The following PDE4D variants were observed in gnomAD, a reference collection of about 807,000 sequenced individuals.
PDE4D encodes 3',5'-cyclic-AMP phosphodiesterase 4D.
Under a neutral mutation model 87.4 loss-of-function variants are expected in PDE4D, and 24 were observed. That is an observed-to-expected ratio of 0.27 (90% CI 0.20 to 0.39). PDE4D has a LOEUF of 0.39. PDE4D is among the 10% of genes least tolerant of loss of function. The pLI is 1.00. For synonymous variants in PDE4D, 384 were observed against 383.2 expected (o/e 1.00, Z -0.02); for missense variants, 714 against 1,041.0 (o/e 0.69, Z 4.32).
rs115170386 is a variant in PDE4D, at chr5:60,112,557, G to C, written c.42+73000C>G. ...CTTATTTTATTGGGTATTCTACTTA[G>C]TCAAAATAGCATATGCCTGATCTCA... On this transcript the variant is annotated intron_variant, in intron 2 of 16. Coordinates refer to the PDE4D transcript ENST00000502484. Among the ~76,000 whole-genome samples the C allele has an allele frequency of 7.0e-3, 1,072 of 152,174 alleles. 22 individuals carry two copies. The highest frequency in any genetic ancestry group is 0.047 in the East Asian group (242 of 5,180).
chr5:59,559,889 G>A (rs1189399798), intron 1 of PDE4D, among the ~76,000 whole-genome samples: 1 of 152,086 alleles, frequency 6.6e-6, no homozygotes, highest in Non-Finnish European at 1.5e-5. Context: ...AAAGCACATG[G>A]AAATAATTTA....
chr5:60,020,631 A>C (rs971110985), intron 2 of PDE4D, among the ~76,000 whole-genome samples: 4 of 152,188 alleles, frequency 2.6e-5, no homozygotes, highest in Non-Finnish European at 5.9e-5. Flanking sequence ...GAGGCACCAC[A>C]GATAGGAGTG....
At chr5:59,009,141 T>C (rs956081218) in intron 6 of PDE4D, among the ~76,000 whole-genome samples, 12 of 152,278 alleles carry the variant, frequency 7.9e-5, no homozygotes, top group South Asian at 2.1e-4. Context: ...CAAAATGGTA[T>C]AGAAACTTTG....
At chr5:59,635,706 C>T (rs919782003) in intron 1 of PDE4D, among the ~76,000 whole-genome samples, 7 of 151,820 alleles carry the variant, frequency 4.6e-5, no homozygotes, top group Admixed American at 6.6e-5. Flanking sequence ...ATGCTAAAAA[C>T]ACTCAATAGG....
chr5:59,809,926 C>A (rs931956078), intron 1 of PDE4D, among the ~76,000 whole-genome samples: 2 of 152,134 alleles, frequency 1.3e-5, no homozygotes, highest in Non-Finnish European at 2.9e-5. Context: ...TGCTTTATTG[C>A]ATCGTTTATT....
At chr5:59,405,771 T>G (rs906032768) in intron 1 of PDE4D, among the ~76,000 whole-genome samples, 2 of 152,210 alleles carry the variant, frequency 1.3e-5, no homozygotes, top group African/African-American at 4.8e-5. Context: ...TCAAATGCTT[T>G]CCCAGCATAA....
chr5:60,343,355 G>A (rs946478645), intron 1 of PDE4D, among the ~76,000 whole-genome samples: 2 of 152,130 alleles, frequency 1.3e-5, no homozygotes, highest in East Asian at 3.8e-4. Flanking sequence ...GCCCGGAAAA[G>A]GGCTGTAATT....
chr5:59,499,762 G>T (rs1398196559), intron 1 of PDE4D, among the ~76,000 whole-genome samples: 1 of 151,602 alleles, frequency 6.6e-6, no homozygotes, highest in East Asian at 1.9e-4. Context: ...AACAAGTAAT[G>T]AAATTGAATC....
chr5:59,286,251 A>C (rs1259189998), intron 1 of PDE4D, among the ~76,000 whole-genome samples: 2 of 152,180 alleles, frequency 1.3e-5, no homozygotes, highest in Non-Finnish European at 2.9e-5. Context: ...GCACTGGGTA[A>C]GATGTTCCAC....
At chr5:60,273,343 G>GA (rs1751012096) in intron 1 of PDE4D, among the ~76,000 whole-genome samples, 2 of 152,154 alleles carry the variant, frequency 1.3e-5, no homozygotes, top group South Asian at 4.1e-4. Flanking sequence ...AACCTACAGA[G>GA]AAAATGGTAC....
At chr5:60,521,936 A>G (rs1583982068) in intron 1 of PDE4D, 1 of 21,692 alleles carries the variant, frequency 4.6e-5, no homozygotes, top group Non-Finnish European at 7.7e-5. Flanking sequence ...GACCTGCAGG[A>G]AAAAAAAAAA....
chr5:60,024,771 A>G (rs892055019), intron 2 of PDE4D, among the ~76,000 whole-genome samples: 8 of 152,190 alleles, frequency 5.3e-5, no homozygotes, highest in African/African-American at 1.2e-4. Context: ...ACTCTGAAAA[A>G]TTGTTCCACG....
rs943399023 is a variant in PDE4D at position 60,460,694 on chromosome 5, G to A, written c.-90+27248C>T. The A allele has an allele frequency of 5.2e-6, 5 of 960,186 alleles. No individual in the cohort carries two copies. The African/African-American group carries it at 8.1e-5, about 16-fold the overall frequency. 59.5% of individuals were successfully genotyped at this position (960,186 alleles called of 1,614,324 possible). A position where few individuals can be genotyped will look rare whatever the true frequency, so the allele number is the denominator to read the frequency against. ...GGTCCCAGAGCAGGAGGCATTCTTG[G>A]TTTCTTCTTTTGAGGCAGGAGTGGA... On this transcript the variant is annotated intron_variant, in intron 1 of 16. Transcript: ENST00000502484.
intron 1 of PDE4D, among the ~76,000 whole-genome samples, chr5:60,229,710 CA>C (rs1461492529): frequency 6.6e-6 from 1 of 152,086 alleles, no homozygotes; most frequent in Non-Finnish European, 1.5e-5. Flanking sequence ...CACTTACTAT[CA>C]TCAAAAGTAA....
At chr5:59,250,668 A>C (rs954304087) in intron 1 of PDE4D, among the ~76,000 whole-genome samples, 7 of 152,118 alleles carry the variant, frequency 4.6e-5, no homozygotes, top group Non-Finnish European at 1.0e-4. Flanking sequence ...GAAATACAGA[A>C]CTAGAAAAAA....
At chr5:60,050,792 T>C (rs1352078767) in intron 2 of PDE4D, among the ~76,000 whole-genome samples, 1 of 152,072 alleles carries the variant, frequency 6.6e-6, no homozygotes, top group African/African-American at 2.4e-5. Context: ...AGGAGACCAA[T>C]CTCACGTGCA....
intron 2 of PDE4D, among the ~76,000 whole-genome samples, chr5:60,137,731 G>A (rs376346460): frequency 2.6e-5 from 4 of 152,204 alleles, no homozygotes; most frequent in East Asian, 1.9e-4. Context: ...CTGCCATTCT[G>A]TAGGCTGTTT....
chr5:59,005,979 G>A (rs1218071887), intron 6 of PDE4D, among the ~76,000 whole-genome samples: 1 of 152,196 alleles, frequency 6.6e-6, no homozygotes, highest in African/African-American at 2.4e-5. Flanking sequence ...ACCATGGTCA[G>A]ATCTCTGGAC....
At chr5:60,128,877 C>T (rs1317793537) in intron 2 of PDE4D, among the ~76,000 whole-genome samples, 3 of 152,136 alleles carry the variant, frequency 2.0e-5, no homozygotes, top group Non-Finnish European at 4.4e-5. Flanking sequence ...GATGCATTTT[C>T]TTAAATCTGA....
Sources: gnomAD v4.1 joint callset for allele counts (sites outside exome capture counted in the v4.1 genomes callset) on GRCh38, gnomAD v4.1.1 for gene constraint, MANE v1.5 for transcripts, NCBI Gene and HGNC (gene_info 2026-07-23, HGNC 2026-07-21) for gene names.